The following PCNT variants were observed in gnomAD, a reference collection of about 807,000 sequenced individuals.
The protein encoded by PCNT is kendrin.
PCNT carries 319 observed loss-of-function variants against 380.4 expected under a neutral mutation model. The ratio of observed to expected loss-of-function variants is 0.84; its 90% CI spans 0.77 to 0.92. The LOEUF is 0.92. Among genes scored for constraint, PCNT ranks in the 40% least tolerant of loss-of-function variants. The pLI is 0.00. For synonymous variants in PCNT, 1,845 were observed against 1,735.2 expected, an observed-to-expected ratio of 1.06 and a Z score of -1.57; for missense variants, 4,400 against 4,255.3, an observed-to-expected ratio of 1.03 and a Z score of -0.95.
chr21:46,438,468 A>G, intron 41 of PCNT, 131 bp downstream of exon 41: 1 of 782,292 alleles, frequency 1.3e-6, no homozygotes, highest in Non-Finnish European at 2.2e-6. Flanking sequence ...CCTAACCGCC[A>G]GGCTCTGTTG....
intron 39 of PCNT, 52 bp from the exon 40 acceptor site, chr21:46,436,927 A>C (rs997246970): frequency 2.2e-5 from 29 of 1,290,884 alleles, no homozygotes; most frequent in Non-Finnish European, 3.3e-5. Flanking sequence ...AGTTTTGCAT[A>C]ATGGTCACTT....
At chr21:46,337,066 C>T (rs867048597) in intron 3 of PCNT, among the ~76,000 whole-genome samples, 6 of 152,002 alleles carry the variant, frequency 3.9e-5, no homozygotes, top group South Asian at 2.1e-4. Flanking sequence ...GGCAGGATCT[C>T]GGCTTGCTGC....
At position 46,412,147 on chromosome 21, in the gene PCNT, C is replaced by T. The variant is rs554724807; in HGVS notation, c.5994+80C>T. On this transcript the variant is annotated intron_variant, in intron 28 of 46. Coordinates refer to ENST00000359568, the MANE Select transcript of PCNT (RefSeq NM_006031.6). Reference sequence around the variant, plus strand: ...CTTTGATGTCAATGACTTCTCTCTGCGCTGGGCACTGGGGGCTGCAGTTGT... The same window carrying T: ...CTTTGATGTCAATGACTTCTCTCTGTGCTGGGCACTGGGGGCTGCAGTTGT... The T allele has an allele frequency of 4.9e-5, 73 of 1,487,808 alleles. 1 individual carries two copies. The East Asian group carries it at 9.1e-4, about 18-fold the overall frequency. The allele number at this position is 1,487,808 out of a possible 1,614,324, so 92.2% of individuals were successfully genotyped here. A position where few individuals can be genotyped will look rare whatever the true frequency, so the allele number is the denominator to read the frequency against.
At position 46,430,776 on chromosome 21, in the gene PCNT, A is replaced by G. The variant is rs1360910252; in HGVS notation, c.8064+119A>G. 1 of 1,534,362 alleles carries G rather than the reference A, an allele frequency of 6.5e-7. No individual in the cohort carries two copies. The highest frequency in any genetic ancestry group is 8.7e-7 in the Non-Finnish European group (1 of 1,143,542). On this transcript the variant is annotated intron_variant, in intron 37 of 46. Transcript: ENST00000359568. ...CATGGCAGTGCACCCAGTTGACAGC[A>G]GTGTGACGTAGCAGGATAGGGCTGT...
chr21:46,423,903 C>T (rs1409019765), intron 32 of PCNT, among the ~76,000 whole-genome samples: 1 of 151,676 alleles, frequency 6.6e-6, no homozygotes, highest in Admixed American at 6.6e-5. Context: ...TTGAAAGGTC[C>T]CAAGTCCAGT....
chr21:46,384,729 T>C (rs543535263), intron 16 of PCNT, among the ~76,000 whole-genome samples: 1 of 139,976 alleles, frequency 7.1e-6, no homozygotes, highest in African/African-American at 2.6e-5. Flanking sequence ...AACACATTCA[T>C]GGTGTTGTGC....
At position 46,428,563 on chromosome 21, in the gene PCNT, C is replaced by T. The variant is rs377664288; in HGVS notation, c.7663C>T (p.Gln2555Ter). The T allele has an allele frequency of 1.2e-6, 2 of 1,604,276 alleles. No individual in the cohort carries two copies. The highest frequency in any genetic ancestry group is 1.7e-6 in the Non-Finnish European group (2 of 1,179,154). Residue 2555 changes from glutamine to a stop codon, truncating the protein, a stop_gained, in exon 35 of 47, where the codon CAG becomes TAG. Coordinates refer to ENST00000359568, the MANE Select transcript of PCNT (RefSeq NM_006031.6). LOFTEE classifies it high-confidence loss of function. ...ALTSAEARGS[Q>*]QEHQLRRQVE... Reference sequence around the variant, plus strand: ...GACAAGCGCAGAGGCGCGCGGGAGCCAGCAGGAGCACCAGCTGCGCAGGCA... The same window carrying T: ...GACAAGCGCAGAGGCGCGCGGGAGCTAGCAGGAGCACCAGCTGCGCAGGCA...
chr21:46,340,257 C>T (rs1240352062), intron 3 of PCNT, among the ~76,000 whole-genome samples: 1 of 152,172 alleles, frequency 6.6e-6, no homozygotes, highest in African/African-American at 2.4e-5. Context: ...CCCCATGATT[C>T]AGTTACCTCC....
intron 3 of PCNT, 117 bp downstream of exon 3, chr21:46,334,885 A>G: frequency 6.6e-7 from 1 of 1,508,576 alleles, no homozygotes; most frequent in Non-Finnish European, 9.1e-7. Flanking sequence ...TTAGAAGTGG[A>G]AACTGGAAGC....
chr21:46,381,979 A>G, intron 16 of PCNT, 139 bp downstream of exon 16: 1 of 852,950 alleles, frequency 1.2e-6, no homozygotes, highest in Non-Finnish European at 1.8e-6. Context: ...TCAGTGGCGG[A>G]AGCGCATTCA....
intron 24 of PCNT, among the ~76,000 whole-genome samples, chr21:46,398,621 C>G (rs537039333): frequency 6.6e-6 from 1 of 152,180 alleles, no homozygotes; most frequent in Non-Finnish European, 1.5e-5. Context: ...TGCCGCCGTC[C>G]TTTCTCGGGC....
chr21:46,408,148 C>T (rs1424537636), intron 27 of PCNT, among the ~76,000 whole-genome samples: 7 of 152,132 alleles, frequency 4.6e-5, no homozygotes, highest in Non-Finnish European at 8.8e-5. Flanking sequence ...TTGTGGCCAC[C>T]CATCAGGCCT....
rs78744058 is a variant in PCNT at position 46,394,738 on chromosome 21, G to C, written c.4217-2527G>C. 2.6e-5 allele frequency among the ~76,000 whole-genome samples: 4 copies of C among 152,182 alleles called. No individual in the cohort carries two copies. In the East Asian group the frequency reaches 7.7e-4, roughly 29 times the overall value. On this transcript the variant is annotated intron_variant, in intron 21 of 46. Transcript: ENST00000359568. Reference sequence around the variant, plus strand: ...AGCAAAACAGGAGCATTTCTCTAACGGTCTTTACTACAGTGCCTAAGCTAC... The same window carrying C: ...AGCAAAACAGGAGCATTTCTCTAACCGTCTTTACTACAGTGCCTAAGCTAC...
chr21:46,367,428 C>T lies in PCNT; in HGVS notation c.3165+289C>T, dbSNP rs373501221. On this transcript the variant is annotated intron_variant, in intron 15 of 46. Transcript: ENST00000359568. ...GTTCAAGTGATTCTTCTGCCTCAGC[C>T]TCCCAAGTAGCTGGGATTATAGGCG... Among the ~76,000 whole-genome samples, 7 of 152,148 alleles carry T rather than the reference C, an allele frequency of 4.6e-5. No homozygotes were observed. In the South Asian group the frequency reaches 8.3e-4, roughly 18 times the overall value.
rs1228563052 is a variant in PCNT at position 46,355,708 on chromosome 21, G to T, written c.1936+82G>T. The stretch of plus-strand genomic sequence containing the variant: ...TCGGGGAGCCTGGGTGCCTGGGTTC[G>T]ATCCAAGTCCTCCGTGAAGCAGCTG... On this transcript the variant is annotated intron_variant, in intron 12 of 46. Transcript: ENST00000359568. 6.4e-6 allele frequency: 9 copies of T among 1,407,402 alleles called. No individual in the cohort carries two copies. The South Asian group carries it at 7.2e-5, about 11-fold the overall frequency. The allele number at this position is 1,407,402 out of a possible 1,614,324, so 87.2% of individuals were successfully genotyped here.
intron 2 of PCNT, among the ~76,000 whole-genome samples, chr21:46,333,667 G>A (rs11910341): frequency 0.047 from 7,030 of 150,534 alleles, 394 homozygotes; most frequent in African/African-American, 0.14. Context: ...TGGGGAGGCC[G>A]AGGCGGGTGG....
At chr21:46,386,211 C>T (rs1383774287) in intron 17 of PCNT, among the ~76,000 whole-genome samples, 1 of 152,190 alleles carries the variant, frequency 6.6e-6, no homozygotes, top group East Asian at 1.9e-4. Flanking sequence ...GCCCTCCTCC[C>T]ACCCTGCCTG....
intron 21 of PCNT, among the ~76,000 whole-genome samples, chr21:46,396,518 C>T (rs2086216075): frequency 6.6e-6 from 1 of 152,232 alleles, no homozygotes; most frequent in Non-Finnish European, 1.5e-5. Flanking sequence ...TTTCAAGGCC[C>T]TTCCAATACC....
At chr21:46,420,397 C>T (rs1185181707) in intron 31 of PCNT, among the ~76,000 whole-genome samples, 1 of 152,160 alleles carries the variant, frequency 6.6e-6, no homozygotes, top group South Asian at 2.1e-4. Flanking sequence ...GCTGAGTGTT[C>T]TGTTTCTGTG....
Sources: allele counts gnomAD v4.1 joint callset (sites outside exome capture counted in the v4.1 genomes callset), GRCh38; gene constraint gnomAD v4.1.1; transcripts MANE v1.5; gene names NCBI Gene and HGNC (gene_info 2026-07-23, HGNC 2026-07-21).